The following RANBP2 variants were observed in gnomAD, a reference collection of about 807,000 sequenced individuals.
RANBP2 encodes RAN binding protein 2, also known as E3 SUMO-protein ligase RanBP2.
RANBP2 carries 57 observed loss-of-function variants against 303.6 expected under a neutral mutation model. The observed-to-expected ratio is 0.19, with a 90% confidence interval of 0.15 to 0.23. RANBP2 has a LOEUF of 0.23. Among genes scored for constraint, RANBP2 ranks in the 10% least tolerant of loss-of-function variants. RANBP2 has a pLI of 1.00. For missense variants in RANBP2, 3,138 were observed against 3,780.8 expected (o/e 0.83, Z 4.46); for synonymous variants, 1,167 against 1,301.5 (o/e 0.90, Z 2.23).
the RANBP2 span, among the ~76,000 whole-genome samples, chr2:109,358,582 T>C: frequency 5.3e-5 from 8 of 152,342 alleles, no homozygotes; most frequent in African/African-American, 1.9e-4. Flanking sequence ...CTGTCTTCTT[T>C]GGTGAAGTGT....
the RANBP2 span, among the ~76,000 whole-genome samples, chr2:109,272,862 CA>C: frequency 6.6e-6 from 1 of 152,194 alleles, no homozygotes; most frequent in Non-Finnish European, 1.5e-5. Flanking sequence ...GTTCTGTCGG[CA>C]AACGTTCTCT....
the RANBP2 span, among the ~76,000 whole-genome samples, chr2:109,766,364 G>A: frequency 2.0e-5 from 3 of 150,670 alleles, no homozygotes; most frequent in African/African-American, 7.3e-5. Context: ...TTTGGAGAAA[G>A]CTGGGTGGAG....
chr2:109,742,437 A>C, the RANBP2 span, among the ~76,000 whole-genome samples: 1 of 144,880 alleles, frequency 6.9e-6, no homozygotes, highest in African/African-American at 2.7e-5. Flanking sequence ...AACAAAAACA[A>C]AAACAAACAA....
chr2:109,129,057 G>C, the RANBP2 span: 5 of 391,626 alleles, frequency 1.3e-5, no homozygotes, highest in Admixed American at 3.1e-5. Flanking sequence ...AGCAGGCCAG[G>C]GGCGCATGGA....
chr2:109,148,682 A>G, the RANBP2 span, among the ~76,000 whole-genome samples: 8 of 152,238 alleles, frequency 5.3e-5, no homozygotes, highest in African/African-American at 1.9e-4. Context: ...TCTAATGCTG[A>G]AAAGTGCATT....
chr2:109,737,547 A>G, the RANBP2 span: 4 of 513,278 alleles, frequency 7.8e-6, no homozygotes, highest in East Asian at 3.5e-5. Flanking sequence ...AGAAAGCCAG[A>G]TATCTCTTTA....
At chr2:109,574,082 A>G in the RANBP2 span, among the ~76,000 whole-genome samples, 2 of 152,172 alleles carry the variant, frequency 1.3e-5, no homozygotes, top group Non-Finnish European at 2.9e-5. Context: ...CCTTCTTTGC[A>G]TCTCATCTTC....
At chr2:108,736,606 C>A (rs1027178347) in intron 6 of RANBP2, among the ~76,000 whole-genome samples, 7 of 152,184 alleles carry the variant, frequency 4.6e-5, no homozygotes, top group African/African-American at 1.4e-4. Flanking sequence ...TAAAGTTCAT[C>A]TGTCATCAGA....
At chr2:109,360,468 G>A in the RANBP2 span, among the ~76,000 whole-genome samples, 1 of 152,192 alleles carries the variant, frequency 6.6e-6, no homozygotes, top group Non-Finnish European at 1.5e-5. Flanking sequence ...TTCAGGTTGT[G>A]TGTATAAGGT....
the RANBP2 span, among the ~76,000 whole-genome samples, chr2:108,933,204 G>T: frequency 6.6e-6 from 1 of 152,202 alleles, no homozygotes; most frequent in Non-Finnish European, 1.5e-5. Context: ...GGTCTGGAGC[G>T]ATGCCTGCTG....
At chr2:108,810,866 T>G in the RANBP2 span, among the ~76,000 whole-genome samples, 1 of 152,236 alleles carries the variant, frequency 6.6e-6, no homozygotes, top group African/African-American at 2.4e-5. Flanking sequence ...TTGTTACTTA[T>G]GATTGGTCTG....
At chr2:109,434,614 G>T in the RANBP2 span, among the ~76,000 whole-genome samples, 12 of 152,170 alleles carry the variant, frequency 7.9e-5, no homozygotes, top group African/African-American at 2.9e-4. Context: ...CAAGAGCTGG[G>T]TCCTAAGTCC....
the RANBP2 span, among the ~76,000 whole-genome samples, chr2:109,632,992 A>G: frequency 3.3e-5 from 5 of 152,186 alleles, no homozygotes; most frequent in African/African-American, 1.2e-4. Context: ...GGAGAACAGC[A>G]TGGCTTGGAG....
intron 28 of RANBP2, among the ~76,000 whole-genome samples, 184 bp downstream of exon 28, chr2:108,783,046 A>C (rs1025589089): frequency 6.6e-6 from 1 of 152,106 alleles, no homozygotes; most frequent in Non-Finnish European, 1.5e-5. Flanking sequence ...CTTTCAACCT[A>C]AAATAATTGA....
chr2:109,626,801 G>A, the RANBP2 span, among the ~76,000 whole-genome samples: 1 of 152,206 alleles, frequency 6.6e-6, no homozygotes, highest in Non-Finnish European at 1.5e-5. Flanking sequence ...GTAAAGTGCA[G>A]GCTGTTTTTC....
At chr2:108,908,145 G>A in the RANBP2 span, 1 of 1,087,560 alleles carries the variant, frequency 9.2e-7, no homozygotes, top group South Asian at 1.7e-5. Context: ...TGTTTTTCAG[G>A]TGTTTACTGG....
the RANBP2 span, among the ~76,000 whole-genome samples, chr2:108,997,534 G>A: frequency 6.7e-6 from 1 of 149,204 alleles, no homozygotes; most frequent in African/African-American, 2.5e-5. Flanking sequence ...ATACCTAACA[G>A]ATAGAAAGAG....
At chr2:109,654,552 C>A in the RANBP2 span, among the ~76,000 whole-genome samples, 1 of 152,066 alleles carries the variant, frequency 6.6e-6, no homozygotes, top group East Asian at 1.9e-4. Flanking sequence ...CCATCTAGTG[C>A]AGCAGCTGCT....
At chr2:108,719,936 G>T (rs1413548309) in intron 1 of RANBP2, among the ~76,000 whole-genome samples, 1 of 151,306 alleles carries the variant, frequency 6.6e-6, no homozygotes, top group Non-Finnish European at 1.5e-5. Flanking sequence ...TCCCGACGGT[G>T]CTCGCTCCTG....
Sources: gnomAD v4.1 joint callset for allele counts (sites outside exome capture counted in the v4.1 genomes callset) on GRCh38, gnomAD v4.1.1 for gene constraint, MANE v1.5 for transcripts, NCBI Gene and HGNC (gene_info 2026-07-23, HGNC 2026-07-21) for gene names.